The following PPM1E variants were observed in gnomAD, a reference collection of about 807,000 sequenced individuals.
PPM1E encodes protein phosphatase, Mg2+/Mn2+ dependent 1E.
In PPM1E, 20 loss-of-function variants were observed where a neutral mutation model predicts 65.9. The ratio of observed to expected loss-of-function variants is 0.30; its 90% CI spans 0.21 to 0.44. PPM1E has a LOEUF of 0.44. PPM1E is among the 20% of genes least tolerant of loss of function. The pLI is 1.00. For synonymous variants in PPM1E, 352 were observed against 374.9 expected (o/e 0.94, Z 0.70); for missense variants, 713 against 953.1 (o/e 0.75, Z 3.32).
intron 1 of PPM1E, among the ~76,000 whole-genome samples, chr17:58,828,053 T>C (rs2050560651): frequency 6.6e-6 from 1 of 150,810 alleles, no homozygotes; most frequent in South Asian, 2.1e-4. Flanking sequence ...ACCCCGTGTC[T>C]ACTAAAAATA....
intron 1 of PPM1E, among the ~76,000 whole-genome samples, chr17:58,807,993 A>G (rs936150266): frequency 1.3e-5 from 2 of 152,210 alleles, no homozygotes; most frequent in South Asian, 2.1e-4. Flanking sequence ...ATTACCTGGT[A>G]AAACTGAAGT....
At chr17:58,815,596 T>C (rs1246888975) in intron 1 of PPM1E, among the ~76,000 whole-genome samples, 1 of 152,184 alleles carries the variant, frequency 6.6e-6, no homozygotes, top group Non-Finnish European at 1.5e-5. Flanking sequence ...TCAAAGAATA[T>C]TTTCTAAGGT....
At chr17:58,783,534 T>C (rs1357106803) in intron 1 of PPM1E, among the ~76,000 whole-genome samples, 1 of 152,174 alleles carries the variant, frequency 6.6e-6, no homozygotes, top group Non-Finnish European at 1.5e-5. Context: ...AATTGGCGTA[T>C]GTCCAAATGA....
At chr17:58,878,418 A>G (rs1053498965) in intron 1 of PPM1E, among the ~76,000 whole-genome samples, 1 of 151,352 alleles carries the variant, frequency 6.6e-6, no homozygotes, top group Non-Finnish European at 1.5e-5. Flanking sequence ...AATTTTTTGT[A>G]TTTTTAGTAG....
intron 1 of PPM1E, among the ~76,000 whole-genome samples, chr17:58,901,114 T>C (rs2051493344): frequency 6.6e-6 from 1 of 152,198 alleles, no homozygotes; most frequent in Non-Finnish European, 1.5e-5. Context: ...CTTTACACTT[T>C]GGGAATGAAT....
chr17:58,922,875 G>C (rs570859179), intron 1 of PPM1E, among the ~76,000 whole-genome samples: 17 of 151,788 alleles, frequency 1.1e-4, no homozygotes, highest in African/African-American at 4.1e-4. Flanking sequence ...AGAAGAGACG[G>C]GGTTTCACCA....
chr17:58,953,119 TC>T (rs1325364483), intron 1 of PPM1E, among the ~76,000 whole-genome samples: 1 of 152,246 alleles, frequency 6.6e-6, no homozygotes, highest in Non-Finnish European at 1.5e-5. Context: ...ATCTTCTCGT[TC>T]CCAGAGGGGG....
At chr17:58,835,095 C>CT (rs1171909040) in intron 1 of PPM1E, among the ~76,000 whole-genome samples, 3 of 152,172 alleles carry the variant, frequency 2.0e-5, no homozygotes, top group Non-Finnish European at 2.9e-5. Context: ...AATCCCAGCA[C>CT]TTTGAGAGAC....
chr17:58,947,429 G>A (rs1055948387), intron 1 of PPM1E, among the ~76,000 whole-genome samples: 1 of 150,748 alleles, frequency 6.6e-6, no homozygotes, highest in Non-Finnish European at 1.5e-5. Flanking sequence ...TAGAGACAGG[G>A]TTTCACCATG....
intron 1 of PPM1E, among the ~76,000 whole-genome samples, chr17:58,950,456 A>G (rs900903356): frequency 6.6e-6 from 1 of 152,190 alleles, no homozygotes; most frequent in African/African-American, 2.4e-5. Flanking sequence ...GGATCTGAAT[A>G]TCTGTGTCTC....
At chr17:58,865,529 G>A (rs2050992332) in intron 1 of PPM1E, among the ~76,000 whole-genome samples, 1 of 152,132 alleles carries the variant, frequency 6.6e-6, no homozygotes, top group South Asian at 2.1e-4. Flanking sequence ...GGGCAACATG[G>A]CGAAACCCGT....
intron 1 of PPM1E, among the ~76,000 whole-genome samples, chr17:58,882,336 C>A (rs1350795612): frequency 2.6e-5 from 4 of 151,982 alleles, no homozygotes; most frequent in Non-Finnish European, 5.9e-5. Context: ...ACATGGTTTG[C>A]AGGGAATTTT....
chr17:58,755,895 C>T lies in PPM1E; in HGVS notation c.-103C>T. 1 of 1,535,766 alleles carries T rather than the reference C, an allele frequency of 6.5e-7. No individual in the cohort carries two copies. Among genetic ancestry groups the T allele is most frequent in the South Asian group, 1.3e-5 (1 of 78,030 alleles). ...GTGCTGATCGCTCGTGCCGGTGCGG[C>T]CGTTAACCGCCCTTGCCGGAGCCCT... On this transcript the variant is annotated 5_prime_UTR_variant, in exon 1 of 7. Transcript: ENST00000308249.
intron 1 of PPM1E, among the ~76,000 whole-genome samples, chr17:58,922,875 G>A (rs570859179): frequency 4.0e-5 from 6 of 151,672 alleles, no homozygotes; most frequent in Non-Finnish European, 7.4e-5. Context: ...AGAAGAGACG[G>A]GGTTTCACCA....
chr17:58,787,258 T>C (rs748928734), intron 1 of PPM1E, among the ~76,000 whole-genome samples: 1 of 152,216 alleles, frequency 6.6e-6, no homozygotes, highest in Non-Finnish European at 1.5e-5. Flanking sequence ...GCTCCCATAC[T>C]GGACATAAAC....
intron 1 of PPM1E, among the ~76,000 whole-genome samples, chr17:58,760,051 A>G (rs962634713): frequency 1.3e-5 from 2 of 152,188 alleles, no homozygotes; most frequent in Admixed American, 6.5e-5. Flanking sequence ...AATACCATTC[A>G]TTGTTAATCA....
intron 1 of PPM1E, among the ~76,000 whole-genome samples, chr17:58,903,388 G>A (rs563009569): frequency 1.3e-5 from 2 of 152,278 alleles, no homozygotes; most frequent in South Asian, 2.1e-4. Flanking sequence ...GCTGGGTTTA[G>A]CAGGCTATTT....
chr17:58,794,918 TTGCTCTGTCACCC>T lies in PPM1E; in HGVS notation c.464+38458_464+38470del, dbSNP rs1457601575. Among the ~76,000 whole-genome samples, 868 of 150,568 alleles carry T rather than the reference TTGCTCTGTCACCC, an allele frequency of 5.8e-3. 9 individuals are homozygous for T. The highest frequency in any genetic ancestry group is 0.021 in the African/African-American group (839 of 40,774). ...TTTTTTTTTTTTTTGAGGCAGAGTC[TTGCTCTGTCACCC>T]AGACTAGAGTGCAGTGGCATGATCT... is the stretch of plus-strand genomic sequence containing the variant. On this transcript the variant is annotated intron_variant, in intron 1 of 6. Transcript: ENST00000308249.
chr17:58,756,515 C>G, intron 1 of PPM1E, 54 bp downstream of exon 1: 2 of 1,260,438 alleles, frequency 1.6e-6, no homozygotes, highest in Non-Finnish European at 2.0e-6. Flanking sequence ...CCGCGCCGGC[C>G]TCGGACGCGG....
Sources: gnomAD v4.1 joint callset for allele counts (sites outside exome capture counted in the v4.1 genomes callset) on GRCh38, gnomAD v4.1.1 for gene constraint, MANE v1.5 for transcripts, NCBI Gene and HGNC (gene_info 2026-07-23, HGNC 2026-07-21) for gene names.